The following PRKG1 variants were observed in gnomAD, a reference collection of about 807,000 sequenced individuals.
PRKG1 encodes the protein protein kinase cGMP-dependent 1, also known as cGMP-dependent protein kinase 1.
In PRKG1, 35 loss-of-function variants were observed where a neutral mutation model predicts 88.1. The ratio of observed to expected loss-of-function variants is 0.40; its 90% CI spans 0.30 to 0.53. The LOEUF is 0.53. Ranked by LOEUF, PRKG1 falls within the 20% of genes least tolerant of loss-of-function variation. PRKG1 has a pLI of 0.59. For synonymous variants in PRKG1, 303 were observed against 292.5 expected (o/e 1.04, Z -0.37); for missense variants, 540 against 839.8 (o/e 0.64, Z 4.41).
chr10:52,241,862 T>A (rs72787333), intron 9 of PRKG1, among the ~76,000 whole-genome samples: 6,883 of 152,312 alleles, frequency 0.045, 239 homozygotes, highest in South Asian at 0.19. Context: ...GTTTCCATCT[T>A]TCTTTGAATA....
In PRKG1 at chr10:51,344,154, C is replaced by T. The variant is rs551485876; in HGVS notation, c.479-123569C>T. 3.9e-5 allele frequency among the ~76,000 whole-genome samples: 6 copies of T among 152,254 alleles called. No individual in the cohort carries two copies. In the East Asian group the frequency reaches 1.2e-3, roughly 29 times the overall value. On this transcript the variant is annotated intron_variant, in intron 2 of 17. Coordinates refer to ENST00000373980, the MANE Select transcript of PRKG1 (RefSeq NM_006258.4). ...GTACAGGAAGCATGAGGCTGACATTCTCATGGCTTCTGGGGAGGCCTCAGG... is the reference window on the plus strand; with the variant it reads ...GTACAGGAAGCATGAGGCTGACATTTTCATGGCTTCTGGGGAGGCCTCAGG...
intron 8 of PRKG1, among the ~76,000 whole-genome samples, chr10:52,159,932 C>A (rs1253927053): frequency 6.6e-6 from 1 of 151,710 alleles, no homozygotes; most frequent in Non-Finnish European, 1.5e-5. Flanking sequence ...CTTTCAATAC[C>A]TTTTCATAAT....
At chr10:51,697,191 G>T (rs1841317947) in intron 3 of PRKG1, 1 of 154,256 alleles carries the variant, frequency 6.5e-6, no homozygotes, top group Non-Finnish European at 1.4e-5. Context: ...CTAAGACAAT[G>T]CTTATCCTAT....
At chr10:51,973,625 G>A (rs1234861056) in intron 5 of PRKG1, among the ~76,000 whole-genome samples, 1 of 152,108 alleles carries the variant, frequency 6.6e-6, no homozygotes, top group Non-Finnish European at 1.5e-5. Context: ...CAGAAATAGT[G>A]GACTCAGCTC....
intron 5 of PRKG1, among the ~76,000 whole-genome samples, chr10:51,963,489 T>C (rs1047403019): frequency 1.3e-5 from 2 of 152,154 alleles, no homozygotes; most frequent in African/African-American, 4.8e-5. Context: ...AGAGAGAGTC[T>C]TGCTCTGTCA....
chr10:52,027,114 A>T (rs776333998), intron 5 of PRKG1, among the ~76,000 whole-genome samples: 16 of 152,248 alleles, frequency 1.1e-4, no homozygotes, highest in Non-Finnish European at 1.6e-4. Context: ...TGGGAACTGC[A>T]CTTGAAAAAG....
chr10:51,984,288 T>C (rs1251101259), intron 5 of PRKG1, among the ~76,000 whole-genome samples: 2 of 152,198 alleles, frequency 1.3e-5, no homozygotes, highest in Non-Finnish European at 2.9e-5. Context: ...AAAACTAATT[T>C]TAAAGATTGG....
chr10:52,044,323 T>C (rs1448939605), intron 5 of PRKG1, among the ~76,000 whole-genome samples: 1 of 152,092 alleles, frequency 6.6e-6, no homozygotes, highest in East Asian at 1.9e-4. Context: ...GAGAGCTCAA[T>C]GAGGAAACAG....
rs1837976663 is a variant in PRKG1, at chr10:51,408,128, C to T, written c.479-59595C>T. Among the ~76,000 whole-genome samples the T allele has an allele frequency of 2.0e-5, 3 of 152,128 alleles. No individual in the cohort carries two copies. In the South Asian group the frequency reaches 6.2e-4, roughly 31 times the overall value. ...CCACTTCCACCCCTTGATTCCTGGA[C>T]CTGTGAATCCCGGCTATGGGAGAAA... On this transcript the variant is annotated intron_variant, in intron 2 of 17. Transcript: ENST00000373980.
At chr10:52,132,961 T>G (rs12267384) in intron 7 of PRKG1, among the ~76,000 whole-genome samples, 24,850 of 151,984 alleles carry the variant, frequency 0.16, 3,037 homozygotes, top group African/African-American at 0.34. Flanking sequence ...ATAATTCAAT[T>G]ACATTAAGTT....
intron 2 of PRKG1, among the ~76,000 whole-genome samples, chr10:51,338,514 C>T (rs1050323420): frequency 1.3e-5 from 2 of 152,282 alleles, no homozygotes; most frequent in Admixed American, 1.3e-4. Context: ...AGCCACATAG[C>T]TAGTTATGAG....
At chr10:52,186,384 G>T (rs1433206770) in intron 9 of PRKG1, among the ~76,000 whole-genome samples, 1 of 151,932 alleles carries the variant, frequency 6.6e-6, no homozygotes, top group Non-Finnish European at 1.5e-5. Context: ...GGTGTGATTT[G>T]CCCCTATGAT....
chr10:51,153,774 A>C (rs1255303131), intron 2 of PRKG1, among the ~76,000 whole-genome samples: 2 of 152,016 alleles, frequency 1.3e-5, no homozygotes, highest in South Asian at 4.1e-4. Flanking sequence ...AATGTTTTTC[A>C]TGTGTATGAC....
chr10:51,294,959 T>C (rs1259368157), intron 2 of PRKG1, among the ~76,000 whole-genome samples: 2 of 152,146 alleles, frequency 1.3e-5, no homozygotes, highest in Non-Finnish European at 2.9e-5. Flanking sequence ...GGCACTTGCC[T>C]GTAGTCCCAG....
chr10:52,151,793 A>G (rs1411257603), intron 8 of PRKG1, among the ~76,000 whole-genome samples: 1 of 152,214 alleles, frequency 6.6e-6, no homozygotes, highest in East Asian at 1.9e-4. Flanking sequence ...GAAAAGGCTA[A>G]GAACTATCAC....
At chr10:51,546,462 G>C (rs1324101172) in intron 3 of PRKG1, among the ~76,000 whole-genome samples, 1 of 151,948 alleles carries the variant, frequency 6.6e-6, no homozygotes, top group Admixed American at 6.6e-5. Flanking sequence ...TTCTAAATAT[G>C]TGTGTGTGTC....
intron 10 of PRKG1, among the ~76,000 whole-genome samples, chr10:52,262,671 A>G (rs1411216248): frequency 6.6e-6 from 1 of 152,080 alleles, no homozygotes; most frequent in East Asian, 1.9e-4. Context: ...TAACCTTCCA[A>G]TCCCCAGCAT....
rs143857246 is a variant in PRKG1, at chr10:51,791,137, G to C, written c.593-13448G>C. ...GTCGATTCATTCAAATTTCATTTGAGATGGAATAGTTAAGGCTGTTAGCTT... is the reference window on the plus strand; with the variant it reads ...GTCGATTCATTCAAATTTCATTTGACATGGAATAGTTAAGGCTGTTAGCTT... On this transcript the variant is annotated intron_variant, in intron 3 of 17. Coordinates refer to ENST00000373980, the MANE Select transcript of PRKG1 (RefSeq NM_006258.4). 4.9e-3 allele frequency among the ~76,000 whole-genome samples: 741 copies of C among 152,120 alleles called. 4 individuals carry two copies. Among genetic ancestry groups the C allele is most frequent in the African/African-American group, 0.017 (702 of 41,524 alleles).
intron 1 of PRKG1, among the ~76,000 whole-genome samples, chr10:51,042,444 CT>C (rs11361562): frequency 0.27 from 41,647 of 152,030 alleles, 6,971 homozygotes; most frequent in East Asian, 0.43. Flanking sequence ...AAATTCTGGG[CT>C]TTGGCCAAAC....
Sources: gnomAD v4.1 joint callset for allele counts (sites outside exome capture counted in the v4.1 genomes callset) on GRCh38, gnomAD v4.1.1 for gene constraint, MANE v1.5 for transcripts, NCBI Gene and HGNC (gene_info 2026-07-23, HGNC 2026-07-21) for gene names.